RGS6: variants seen among roughly 807,000 people sequenced by gnomAD.
RGS6 encodes the protein regulator of G-protein signaling 6.
A neutral mutation model predicts 78.5 loss-of-function variants in RGS6; 30 were observed. The observed-to-expected ratio is 0.38, with a 90% CI of 0.29 to 0.52. The LOEUF (loss-of-function observed/expected upper bound fraction) is 0.52. Ranked by LOEUF, RGS6 falls within the 20% of genes least tolerant of loss-of-function variation. RGS6 has a pLI of 0.85. For missense variants in RGS6, 495 were observed against 609.7 expected (o/e 0.81, Z 1.98); for synonymous variants, 206 against 206.0 (o/e 1.00, Z 0.00).
At chr14:72,185,520 A>G (rs1000582910) in intron 2 of RGS6, among the ~76,000 whole-genome samples, 1 of 152,228 alleles carries the variant, frequency 6.6e-6, no homozygotes, top group Non-Finnish European at 1.5e-5. Flanking sequence ...AATATTTAAT[A>G]TCACAAAATA....
chr14:72,072,288 T>C (rs1443084817), intron 2 of RGS6, among the ~76,000 whole-genome samples: 1 of 151,968 alleles, frequency 6.6e-6, no homozygotes, highest in Admixed American at 6.6e-5. Flanking sequence ...TCTAGGAAGC[T>C]TGTTTGTGTG....
chr14:72,476,875 G>C lies in RGS6; in HGVS notation c.792+35G>C, dbSNP rs1000663670. 4.5e-6 allele frequency: 7 copies of C among 1,567,224 alleles called. No individual in the cohort carries two copies. The African/African-American group carries it at 8.1e-5, about 18-fold the overall frequency. ...TTGACAGCTTGCACTCTCAGGAGGA[G>C]ACGTGGCCAGTTTAAAAACCCTTTC... On this transcript the variant is annotated intron_variant, in intron 11 of 17. Transcript: ENST00000553525.
At chr14:71,986,912 A>G (rs936277812) in intron 2 of RGS6, among the ~76,000 whole-genome samples, 3 of 151,988 alleles carry the variant, frequency 2.0e-5, no homozygotes, top group South Asian at 2.1e-4. Flanking sequence ...TTGGCATCAT[A>G]TCTCCTTCTC....
rs2079255015 is a variant in RGS6 at position 72,352,302 on chromosome 14, A to G, written c.184+108A>G. 5 of 716,412 alleles carry G rather than the reference A, an allele frequency of 7.0e-6. No individual in the cohort carries two copies. In the Admixed American group the frequency reaches 1.5e-4, roughly 21 times the overall value. 44.4% of individuals were successfully genotyped at this position (716,412 alleles called of 1,614,324 possible). A position where few individuals can be genotyped will look rare whatever the true frequency, so the allele number is the denominator to read the frequency against. ...GAAGATCTGTGAATAGTAAAAATGA[A>G]ACATTCAGTGTGTTTCTTGACTCAG... On this transcript the variant is annotated intron_variant, in intron 3 of 17. Coordinates refer to ENST00000553525, the MANE Select transcript of RGS6 (RefSeq NM_001204424.2).
At chr14:72,191,630 G>A (rs1398699180) in intron 2 of RGS6, among the ~76,000 whole-genome samples, 1 of 152,150 alleles carries the variant, frequency 6.6e-6, no homozygotes, top group African/African-American at 2.4e-5. Flanking sequence ...TCACTATCAC[G>A]AGAACAGCAT....
chr14:72,142,922 GTAT>G (rs1283919222), intron 2 of RGS6, among the ~76,000 whole-genome samples: 1 of 152,130 alleles, frequency 6.6e-6, no homozygotes, highest in Non-Finnish European at 1.5e-5. Flanking sequence ...ATATAAATTA[GTAT>G]TATTCTTAGG....
At chr14:72,231,101 G>A (rs985877937) in intron 2 of RGS6, among the ~76,000 whole-genome samples, 2 of 152,182 alleles carry the variant, frequency 1.3e-5, no homozygotes, top group East Asian at 1.9e-4. Flanking sequence ...GGAGTCTCAA[G>A]GGGAGATCTT....
At chr14:72,057,032 G>A (rs566495451) in intron 2 of RGS6, among the ~76,000 whole-genome samples, 145 of 152,012 alleles carry the variant, frequency 9.5e-4, no homozygotes, top group African/African-American at 3.3e-3. Flanking sequence ...GAATGTTTGC[G>A]GCCTGGAGCA....
the RGS6 span, among the ~76,000 whole-genome samples, chr14:72,608,192 T>C: frequency 6.6e-6 from 1 of 152,274 alleles, no homozygotes; most frequent in African/African-American, 2.4e-5. Context: ...TCATGAGAGG[T>C]AGAGCTTTGT....
At chr14:72,099,481 T>C (rs537614120) in intron 2 of RGS6, among the ~76,000 whole-genome samples, 1 of 152,182 alleles carries the variant, frequency 6.6e-6, no homozygotes, top group South Asian at 2.1e-4. Context: ...TAATACCAGG[T>C]CACACAGCCA....
intron 2 of RGS6, among the ~76,000 whole-genome samples, chr14:72,197,932 TATAG>T (rs1471861136): frequency 6.6e-6 from 1 of 151,892 alleles, no homozygotes; most frequent in African/African-American, 2.4e-5. Flanking sequence ...CTTTTATTAA[TATAG>T]ATAATATTTT....
chr14:72,622,057 C>G, the RGS6 span, among the ~76,000 whole-genome samples: 1 of 152,282 alleles, frequency 6.6e-6, no homozygotes, highest in East Asian at 1.9e-4. Flanking sequence ...AGAGGAAGCC[C>G]AGAATGTGTG....
At chr14:71,939,599 G>A (rs914974104) in intron 1 of RGS6, among the ~76,000 whole-genome samples, 4 of 152,216 alleles carry the variant, frequency 2.6e-5, no homozygotes, top group African/African-American at 7.2e-5. Context: ...GGAGAAAAAG[G>A]CATTTGCCAA....
chr14:72,020,335 C>A (rs975898302), intron 2 of RGS6, among the ~76,000 whole-genome samples: 19 of 152,074 alleles, frequency 1.2e-4, no homozygotes, highest in African/African-American at 4.6e-4. Context: ...AGACCAAGTG[C>A]CTTTCTTTTC....
At chr14:72,471,795 G>A (rs1321626209) in intron 8 of RGS6, among the ~76,000 whole-genome samples, 1 of 152,242 alleles carries the variant, frequency 6.6e-6, no homozygotes, top group Non-Finnish European at 1.5e-5. Flanking sequence ...AGAGTAGGTA[G>A]GATGGAGGCT....
chr14:72,583,984 A>C, the RGS6 span, among the ~76,000 whole-genome samples: 1 of 152,214 alleles, frequency 6.6e-6, no homozygotes, highest in African/African-American at 2.4e-5. Flanking sequence ...AGAAAACAAA[A>C]TGAGAAAGAA....
intron 2 of RGS6, among the ~76,000 whole-genome samples, chr14:72,000,703 C>A (rs1454253621): frequency 2.0e-5 from 3 of 152,062 alleles, no homozygotes; most frequent in Non-Finnish European, 4.4e-5. Context: ...AGTTAGGGAG[C>A]TATTTCCAGA....
chr14:72,078,629 G>A (rs1260461647), intron 2 of RGS6, among the ~76,000 whole-genome samples: 1 of 152,044 alleles, frequency 6.6e-6, no homozygotes, highest in Non-Finnish European at 1.5e-5. Flanking sequence ...CGTTAGCCAG[G>A]CTGGTCTCGA....
chr14:72,351,491 G>T (rs1255241274), intron 2 of RGS6, among the ~76,000 whole-genome samples: 1 of 151,908 alleles, frequency 6.6e-6, no homozygotes. Flanking sequence ...CTTAGTCCAG[G>T]CTAAAATAGC....
Sources: gnomAD v4.1 joint callset for allele counts (sites outside exome capture counted in the v4.1 genomes callset) on GRCh38, gnomAD v4.1.1 for gene constraint, MANE v1.5 for transcripts, NCBI Gene and HGNC (gene_info 2026-07-23, HGNC 2026-07-21) for gene names.